PPP4R2: variants seen among roughly 807,000 people sequenced by gnomAD.
PPP4R2 encodes serine/threonine-protein phosphatase 4 regulatory subunit 2.
A neutral mutation model predicts 47.2 loss-of-function variants in PPP4R2; 13 were observed. The observed-to-expected ratio is 0.28, with a 90% CI of 0.18 to 0.44. PPP4R2 has a LOEUF of 0.44. PPP4R2 is among the 20% of genes least tolerant of loss of function. The pLI is 1.00. For synonymous variants in PPP4R2, 151 were observed against 163.3 expected (o/e 0.92, Z 0.57); for missense variants, 421 against 491.2 (o/e 0.86, Z 1.35).
intron 6 of PPP4R2, 95 bp downstream of exon 6, chr3:73,063,842 G>A (rs1702926337): frequency 8.9e-7 from 1 of 1,117,604 alleles, no homozygotes; most frequent in South Asian, 1.3e-5. Flanking sequence ...GCATTTTATG[G>A]ACACCATAGG....
chr3:73,021,876 G>A (rs551684102), intron 2 of PPP4R2, among the ~76,000 whole-genome samples: 52 of 125,710 alleles, frequency 4.1e-4, no homozygotes, highest in Non-Finnish European at 6.8e-4. Context: ...GTGTGTGTGT[G>A]TGTGTATATA....
At chr3:73,037,103 G>C (rs1398657691) in intron 2 of PPP4R2, among the ~76,000 whole-genome samples, 2 of 151,990 alleles carry the variant, frequency 1.3e-5, no homozygotes, top group Non-Finnish European at 2.9e-5. Flanking sequence ...TTGGTCTTTG[G>C]GTTGGATAGA....
rs146335669 is a variant in PPP4R2, at chr3:73,021,901, T to TATATATA, written c.116+23743_116+23744insATATATA. On this transcript the variant is annotated intron_variant, in intron 2 of 8. Coordinates refer to ENST00000356692, the MANE Select transcript of PPP4R2 (RefSeq NM_174907.4). The stretch of plus-strand genomic sequence containing the variant: ...GTGTGTATATATGCATATATATATA[T>TATATATA]TTTTTTTTTTTTTTTGAAACAATCT... 2.9e-3 allele frequency among the ~76,000 whole-genome samples: 357 copies of TATATATA among 122,124 alleles called. 1 individual carries two copies. Among genetic ancestry groups the TATATATA allele is most frequent in the African/African-American group, 0.01 (347 of 33,512 alleles). 80.1% of individuals were successfully genotyped at this position (122,124 alleles called of 152,430 possible). A position where few individuals can be genotyped will look rare whatever the true frequency, so the allele number is the denominator to read the frequency against.
At chr3:73,038,419 A>G (rs532007729) in intron 2 of PPP4R2, among the ~76,000 whole-genome samples, 5 of 151,308 alleles carry the variant, frequency 3.3e-5, no homozygotes, top group African/African-American at 1.2e-4. Context: ...TCTGTCACCC[A>G]GTGGAGTGCA....
chr3:73,023,307 C>T (rs1409580497), intron 2 of PPP4R2, among the ~76,000 whole-genome samples: 1 of 151,612 alleles, frequency 6.6e-6, no homozygotes, highest in Non-Finnish European at 1.5e-5. Flanking sequence ...CTGCCTCAGC[C>T]TCCCGAGTAG....
chr3:73,027,908 ACTT>A (rs1214108369), intron 2 of PPP4R2: 8 of 142,068 alleles, frequency 5.6e-5, no homozygotes, highest in Non-Finnish European at 1.2e-4. Flanking sequence ...GTTAAAAAAA[ACTT>A]TTTTTTTTTT....
At chr3:73,058,883 A>T (rs1413382042) in intron 3 of PPP4R2, among the ~76,000 whole-genome samples, 154 bp from the exon 4 acceptor site, 1 of 120,394 alleles carries the variant, frequency 8.3e-6, no homozygotes, top group Non-Finnish European at 1.6e-5. Flanking sequence ...GTCTTTTTTT[A>T]AATGACTCAT....
intron 2 of PPP4R2, chr3:73,016,268 T>C (rs1046246178): frequency 6.4e-5 from 7 of 109,654 alleles, no homozygotes; most frequent in Admixed American, 1.6e-4. Context: ...AATATTCTCG[T>C]TCACTTTTTT....
chr3:73,003,316 A>G (rs1701522001), intron 2 of PPP4R2, among the ~76,000 whole-genome samples: 1 of 150,638 alleles, frequency 6.6e-6, no homozygotes, highest in African/African-American at 2.4e-5. Flanking sequence ...GGTTCAAGTG[A>G]TTCTTGTGCC....
chr3:73,051,434 T>C (rs1702609694), intron 3 of PPP4R2, among the ~76,000 whole-genome samples: 1 of 152,204 alleles, frequency 6.6e-6, no homozygotes, highest in Non-Finnish European at 1.5e-5. Flanking sequence ...TTTTGTGTAC[T>C]TACAGCCTTT....
intron 4 of PPP4R2, among the ~76,000 whole-genome samples, chr3:73,059,424 G>A (rs1702796427): frequency 6.6e-6 from 1 of 152,096 alleles, no homozygotes; most frequent in Non-Finnish European, 1.5e-5. Context: ...AGTTATAATT[G>A]CTATTTTAAC....
At chr3:73,029,754 G>A (rs1702134577) in intron 2 of PPP4R2, among the ~76,000 whole-genome samples, 2 of 152,166 alleles carry the variant, frequency 1.3e-5, no homozygotes, top group African/African-American at 4.8e-5. Flanking sequence ...AGATAGAAAA[G>A]AGAGACTGAA....
chr3:72,999,144 G>C (rs908005205), intron 2 of PPP4R2, among the ~76,000 whole-genome samples: 3 of 152,178 alleles, frequency 2.0e-5, no homozygotes, highest in African/African-American at 7.2e-5. Flanking sequence ...CCTGCAAGCT[G>C]AGTCTCCTTA....
chr3:73,033,342 T>G lies in PPP4R2; in HGVS notation c.117-13844T>G, dbSNP rs934078326. Among the ~76,000 whole-genome samples, 66 of 152,338 alleles carry G rather than the reference T, an allele frequency of 4.3e-4. 1 individual carries two copies. Among genetic ancestry groups the G allele is most frequent in the African/African-American group, 1.5e-3 (63 of 41,572 alleles). ...TTGTATGTGACCTGGTTTATGTCCC[T>G]GGAGTTTTGTAGAATCTTCTCTTTG... is the stretch of plus-strand genomic sequence containing the variant. On this transcript the variant is annotated intron_variant, in intron 2 of 8. Transcript: ENST00000356692.
At chr3:72,997,235 G>A in intron 1 of PPP4R2, 164 bp downstream of exon 1, 1 of 465,634 alleles carries the variant, frequency 2.1e-6, no homozygotes, top group Middle Eastern at 3.2e-4. Context: ...GAGCCCTGTG[G>A]GCAGCTCTCT....
At chr3:73,026,428 C>T (rs867418239) in intron 2 of PPP4R2, among the ~76,000 whole-genome samples, 1 of 152,072 alleles carries the variant, frequency 6.6e-6, no homozygotes, top group Non-Finnish European at 1.5e-5. Flanking sequence ...CTCCATTGAC[C>T]CTGAATTAGA....
At chr3:73,037,654 T>C (rs995891188) in intron 2 of PPP4R2, among the ~76,000 whole-genome samples, 2 of 152,248 alleles carry the variant, frequency 1.3e-5, no homozygotes, top group African/African-American at 4.8e-5. Flanking sequence ...AACTCATTTA[T>C]TGTTTATATT....
intron 1 of PPP4R2, 78 bp from the exon 2 acceptor site, chr3:72,997,999 T>G (rs1345741094): frequency 1.0e-6 from 1 of 955,942 alleles, no homozygotes; most frequent in South Asian, 1.4e-5. Flanking sequence ...TTTAATAAGG[T>G]AAAGGACTAG....
At chr3:73,063,521 G>C in intron 5 of PPP4R2, 152 bp from the exon 6 acceptor site, 1 of 564,682 alleles carries the variant, frequency 1.8e-6, no homozygotes, top group South Asian at 2.1e-5. Flanking sequence ...CTACTTGGGA[G>C]GCTGAGGCAT....
Sources: gnomAD v4.1 joint callset for allele counts (sites outside exome capture counted in the v4.1 genomes callset) on GRCh38, gnomAD v4.1.1 for gene constraint, MANE v1.5 for transcripts, NCBI Gene and HGNC (gene_info 2026-07-23, HGNC 2026-07-21) for gene names.